RPGRIP1L: variants seen among roughly 807,000 people sequenced by gnomAD.
The protein encoded by RPGRIP1L is RPGRIP1 like.
A neutral mutation model predicts 160.4 loss-of-function variants in RPGRIP1L; 131 were observed. That is an observed-to-expected ratio of 0.82 (90% CI 0.71 to 0.94). RPGRIP1L has a LOEUF of 0.94. Among genes scored for constraint, RPGRIP1L ranks in the 40% least tolerant of loss-of-function variants. RPGRIP1L has a pLI of 0.00. For synonymous variants in RPGRIP1L, 510 were observed against 515.8 expected, an observed-to-expected ratio of 0.99 and a Z score of 0.15; for missense variants, 1,522 against 1,535.8, an observed-to-expected ratio of 0.99 and a Z score of 0.15.
Position 53,658,853 on chromosome 16 carries a change from C to A in RPGRIP1L, c.1269G>T (p.Glu423Asp). ...GATACTGTAACTGTAGTTCTCTATT[C>A]TCTTGAACGAGTTTTTCATTTTGAT... ...ERDQNEKLVQ[E>D]NRELQLQYLE... Residue 423 changes from glutamate to aspartate, a missense_variant, in exon 11 of 27, where the codon GAG (glutamate) becomes GAT (aspartate). Physicochemically the swap from Glu to Asp is conservative, Grantham distance 45. Transcript: ENST00000647211. The A allele has an allele frequency of 6.2e-7, 1 of 1,604,634 alleles. No homozygotes were observed. Among genetic ancestry groups the A allele is most frequent in the Non-Finnish European group, 8.5e-7 (1 of 1,173,652 alleles).
intron 2 of RPGRIP1L, among the ~76,000 whole-genome samples, chr16:53,697,637 T>G (rs1970892119): frequency 1.3e-5 from 2 of 152,196 alleles, no homozygotes; most frequent in Admixed American, 1.3e-4. Flanking sequence ...GTGCCGGGAT[T>G]GCAGACGGTG....
chr16:53,614,083 A>G (rs1418510993), intron 24 of RPGRIP1L, among the ~76,000 whole-genome samples: 1 of 152,240 alleles, frequency 6.6e-6, no homozygotes, highest in Non-Finnish European at 1.5e-5. Flanking sequence ...TTCCATAACA[A>G]TATCAAGGGA....
At chr16:53,656,860 A>G (rs1212976069) in intron 13 of RPGRIP1L, among the ~76,000 whole-genome samples, 1 of 152,206 alleles carries the variant, frequency 6.6e-6, no homozygotes, top group African/African-American at 2.4e-5. Context: ...TGACTTCAGG[A>G]TAACTATAAC....
At chr16:53,692,029 A>AGACT (rs1970417615) in intron 4 of RPGRIP1L, 37 bp downstream of exon 4, 4 of 1,588,990 alleles carry the variant, frequency 2.5e-6, no homozygotes, top group Non-Finnish European at 3.5e-6. Context: ...CAATCTAATA[A>AGACT]GACTTCAGTT....
At chr16:53,684,531 G>A (rs2151307126) in intron 6 of RPGRIP1L, among the ~76,000 whole-genome samples, 1 of 151,874 alleles carries the variant, frequency 6.6e-6, no homozygotes, top group Non-Finnish European at 1.5e-5. Context: ...CTCATAGGTG[G>A]GAATTGAACA....
chr16:53,692,261 T>A lies in RPGRIP1L; in HGVS notation c.334A>T (p.Ile112Phe). 6.2e-7 allele frequency: 1 copy of A among 1,614,214 alleles called. No homozygotes were observed. Among genetic ancestry groups the A allele is most frequent in the South Asian group, 1.1e-5 (1 of 91,084 alleles). Residue 112 changes from isoleucine to phenylalanine, a missense_variant, in exon 4 of 27, where the codon ATT becomes TTT. By Grantham distance (21) the Ile-to-Phe change is conservative. Transcript: ENST00000647211. ...LGRDVEMEEM[I>F]EQLQEKVHEL... is the part of the protein sequence containing the mutation. ...TGAACTTTCTCTTGCAGCTGCTCAA[T>A]CATTTCTTCCATTTCCACATCTCGT...
chr16:53,644,330 G>C (rs1966416935), intron 17 of RPGRIP1L, among the ~76,000 whole-genome samples: 1 of 152,064 alleles, frequency 6.6e-6, no homozygotes, highest in Non-Finnish European at 1.5e-5. Flanking sequence ...GAGCCTCAGA[G>C]ACCTGTGGGG....
At chr16:53,624,541 C>G (rs965650774) in intron 22 of RPGRIP1L, among the ~76,000 whole-genome samples, 4 of 148,442 alleles carry the variant, frequency 2.7e-5, no homozygotes, top group Non-Finnish European at 6.0e-5. Context: ...GAGACTCCAC[C>G]TAAAAAAAAA....
chr16:53,660,132 AAATCCACAGTATTTGAT>A (rs1179767023), intron 10 of RPGRIP1L, among the ~76,000 whole-genome samples: 2 of 152,160 alleles, frequency 1.3e-5, no homozygotes, highest in Non-Finnish European at 2.9e-5. Context: ...GCTAGCGAAC[AAATCCACAGTATTTGAT>A]AATCTCACGT....
In RPGRIP1L at chr16:53,652,593, T is replaced by C; in HGVS notation, c.2094A>G (p.Leu698=). ...TTTTTTCAAGAATTTCGTGAAATTT[T>C]AATTGACATGCTGCAATTGTTTCAT... is the stretch of plus-strand genomic sequence containing the variant. The part of the protein sequence containing the change: ...TEYETIAACQ[L]KFHEILEKSG... Residue 698 remains leucine, a synonymous_variant, in exon 15 of 27, where the codon TTA becomes TTG. Transcript: ENST00000647211. 1 of 1,614,172 alleles carries C rather than the reference T, an allele frequency of 6.2e-7. No individual in the cohort carries two copies. Among genetic ancestry groups the C allele is most frequent in the Non-Finnish European group, 8.5e-7 (1 of 1,180,008 alleles).
chr16:53,627,048 C>G (rs563674356), intron 22 of RPGRIP1L, among the ~76,000 whole-genome samples: 79 of 152,156 alleles, frequency 5.2e-4, no homozygotes, highest in Admixed American at 8.5e-4. Flanking sequence ...TCATATTTTT[C>G]TATGTGATCT....
intron 3 of RPGRIP1L, chr16:53,694,778 CT>C (rs1970630917): frequency 6.6e-6 from 1 of 152,338 alleles, no homozygotes; most frequent in African/African-American, 2.4e-5. Flanking sequence ...TCCCAAAGTG[CT>C]GGGATTACAG....
rs1970121082 is a variant in RPGRIP1L, at chr16:53,687,788, G to A, written c.632+75C>T. Reference sequence around the variant, plus strand: ...AGCAAACTGTTTACATATAAATAAAGGAAAGGGAAGGATAAAAAAAAAAGA... The same window carrying A: ...AGCAAACTGTTTACATATAAATAAAAGAAAGGGAAGGATAAAAAAAAAAGA... On this transcript the variant is annotated intron_variant, in intron 5 of 26. Coordinates refer to ENST00000647211, the MANE Select transcript of RPGRIP1L (RefSeq NM_015272.5). The A allele has an allele frequency of 7.8e-6, 7 of 893,798 alleles. No individual in the cohort carries two copies. The Admixed American group carries it at 1.2e-4, about 15-fold the overall frequency. The allele number at this position is 893,798 out of a possible 1,614,324, so 55.4% of individuals were successfully genotyped here.
intron 9 of RPGRIP1L, 84 bp downstream of exon 9, chr16:53,671,426 A>G (rs763668853): frequency 9.5e-6 from 8 of 846,176 alleles, no homozygotes; most frequent in African/African-American, 1.7e-5. Context: ...TTTGATCAAC[A>G]TGATCTATTC....
intron 2 of RPGRIP1L, among the ~76,000 whole-genome samples, chr16:53,700,432 G>A (rs1971302192): frequency 6.6e-6 from 1 of 152,200 alleles, no homozygotes; most frequent in Non-Finnish European, 1.5e-5. Context: ...ACAGAGGGGG[G>A]ACTGTACATT....
intron 2 of RPGRIP1L, among the ~76,000 whole-genome samples, chr16:53,698,050 C>T (rs1201979479): frequency 7.3e-5 from 11 of 151,644 alleles, no homozygotes; most frequent in East Asian, 3.9e-4. Context: ...TCTGCCCGGC[C>T]GCAACCCTGT....
chr16:53,602,225 C>G, intron 26 of RPGRIP1L, 37 bp from the exon 27 acceptor site: 5 of 1,409,116 alleles, frequency 3.5e-6, no homozygotes, highest in Non-Finnish European at 5.0e-6. Flanking sequence ...TAATATCATT[C>G]AACAGATTTT....
chr16:53,645,021 A>G (rs1416004878), intron 17 of RPGRIP1L, among the ~76,000 whole-genome samples: 1 of 152,232 alleles, frequency 6.6e-6, no homozygotes, highest in Non-Finnish European at 1.5e-5. Context: ...GGCTCATAAC[A>G]TAGGAAGACC....
intron 15 of RPGRIP1L, among the ~76,000 whole-genome samples, chr16:53,650,139 A>G (rs1010533280): frequency 2.6e-5 from 4 of 152,136 alleles, no homozygotes; most frequent in African/African-American, 9.7e-5. Context: ...CATTGTTAAG[A>G]GTATTACGAG....
Sources: gnomAD v4.1 joint callset for allele counts (sites outside exome capture counted in the v4.1 genomes callset) on GRCh38, gnomAD v4.1.1 for gene constraint, MANE v1.5 for transcripts, NCBI Gene and HGNC (gene_info 2026-07-23, HGNC 2026-07-21) for gene names.